ME3: variants seen among roughly 807,000 people sequenced by gnomAD.
The protein encoded by ME3 is malic enzyme 3.
In ME3, 48 loss-of-function variants were observed where a neutral mutation model predicts 68.9. The ratio of observed to expected loss-of-function variants is 0.70; its 90% CI spans 0.55 to 0.89. The LOEUF (loss-of-function observed/expected upper bound fraction) is 0.89, where lower values mean the gene tolerates loss of function less well. ME3 is among the 40% of genes least tolerant of loss of function. The pLI is 0.00. For missense variants in ME3, 675 were observed against 797.4 expected (o/e 0.85, Z 1.85); for synonymous variants, 320 against 318.8 (o/e 1.00, Z -0.04).
intron 1 of ME3, 64 bp from the exon 2 acceptor site, chr11:86,672,022 CGGGGCACCGGGCCTGATCCG>C: frequency 8.0e-7 from 1 of 1,257,664 alleles, no homozygotes; most frequent in South Asian, 2.0e-5. Context: ...ACGCGCGCTG[CGGGGCACCGGGCCTGATCCG>C]GGGACGCGCC....
intron 5 of ME3, among the ~76,000 whole-genome samples, chr11:86,503,404 C>G (rs555947102): frequency 1.2e-4 from 19 of 152,324 alleles, no homozygotes; most frequent in Admixed American, 5.9e-4. Context: ...ACACCTCCTT[C>G]CAAGGGCAGC....
chr11:86,488,119 G>A (rs1392352992), intron 6 of ME3, among the ~76,000 whole-genome samples: 2 of 152,182 alleles, frequency 1.3e-5, no homozygotes, highest in Non-Finnish European at 2.9e-5. Context: ...GGCCAAGGCT[G>A]CAGTGAGCCA....
Position 86,663,613 on chromosome 11 carries a change from T to A in ME3, c.183+8149A>T, listed in dbSNP as rs182531427. Among the ~76,000 whole-genome samples the A allele has an allele frequency of 2.0e-3, 304 of 152,354 alleles. 1 individual carries two copies. Among genetic ancestry groups the A allele is most frequent in the African/African-American group, 7.1e-3 (296 of 41,586 alleles). On this transcript the variant is annotated intron_variant, in intron 2 of 14. Transcript: ENST00000543262. ...TCTTTGCAAACAAAAGTGCTGCACATTAGTGATCCTTTTGCAATGGCCATA... is the reference window on the plus strand; with the variant it reads ...TCTTTGCAAACAAAAGTGCTGCACAATAGTGATCCTTTTGCAATGGCCATA...
chr11:86,655,503 T>C (rs1413793482), intron 2 of ME3, among the ~76,000 whole-genome samples: 3 of 152,132 alleles, frequency 2.0e-5, no homozygotes, highest in African/African-American at 7.2e-5. Flanking sequence ...GGGGAAAGGA[T>C]TCCCTATTTA....
At chr11:86,666,163 A>G (rs553971610) in intron 2 of ME3, among the ~76,000 whole-genome samples, 3 of 152,290 alleles carry the variant, frequency 2.0e-5, no homozygotes, top group East Asian at 3.9e-4. Flanking sequence ...TACATTTTCC[A>G]TGTTCTCTTG....
At chr11:86,485,673 G>A (rs577181811) in intron 7 of ME3, among the ~76,000 whole-genome samples, 5 of 151,708 alleles carry the variant, frequency 3.3e-5, no homozygotes, top group Admixed American at 1.3e-4. Context: ...CCTTTACCAC[G>A]TCCTCCCATT....
chr11:86,472,194 A>C (rs1950818151), intron 7 of ME3, among the ~76,000 whole-genome samples: 1 of 152,186 alleles, frequency 6.6e-6, no homozygotes, highest in Non-Finnish European at 1.5e-5. Flanking sequence ...GCAGGAAAAT[A>C]CACAGGGCCG....
At chr11:86,522,038 TC>T (rs1241178901) in intron 4 of ME3, among the ~76,000 whole-genome samples, 1 of 152,146 alleles carries the variant, frequency 6.6e-6, no homozygotes, top group African/African-American at 2.4e-5. Context: ...TCACCTAAGG[TC>T]AGGAGTTTGA....
chr11:86,577,674 A>G (rs1958193786), intron 2 of ME3, among the ~76,000 whole-genome samples: 1 of 152,248 alleles, frequency 6.6e-6, no homozygotes, highest in Non-Finnish European at 1.5e-5. Context: ...ATTCTATGTT[A>G]TTAACTCAAG....
intron 2 of ME3, among the ~76,000 whole-genome samples, chr11:86,656,297 C>G (rs1028478796): frequency 6.6e-6 from 1 of 151,922 alleles, no homozygotes; most frequent in South Asian, 2.1e-4. Flanking sequence ...GACACATGCA[C>G]ACATATGTTT....
Position 86,500,954 on chromosome 11 carries a change from C to T in ME3, c.544-2830G>A, listed in dbSNP as rs554498884. On this transcript the variant is annotated intron_variant, in intron 5 of 14. Transcript: ENST00000543262. ...AGGACCCACTGCCTGCCAAGACCCGCACAAGGTGTTATTTAAACCTTTGAT... is the reference window on the plus strand; with the variant it reads ...AGGACCCACTGCCTGCCAAGACCCGTACAAGGTGTTATTTAAACCTTTGAT... Among the ~76,000 whole-genome samples the T allele has an allele frequency of 4.6e-5, 7 of 152,236 alleles. No individual in the cohort carries two copies. In the South Asian group the frequency reaches 1.5e-3, roughly 32 times the overall value.
chr11:86,493,845 C>A (rs1472013882), intron 6 of ME3, among the ~76,000 whole-genome samples: 1 of 152,068 alleles, frequency 6.6e-6, no homozygotes, highest in Non-Finnish European at 1.5e-5. Flanking sequence ...GCTCCTGTTG[C>A]CTCAGGAGTT....
At chr11:86,450,592 T>C (rs796450529) in intron 8 of ME3, among the ~76,000 whole-genome samples, 194 bp from the exon 9 acceptor site, 2 of 152,202 alleles carry the variant, frequency 1.3e-5, no homozygotes, top group African/African-American at 4.8e-5. Context: ...GTTGTTGAAG[T>C]TGAGAAACAG....
chr11:86,489,886 G>A (rs1401612925), intron 6 of ME3, among the ~76,000 whole-genome samples: 1 of 152,122 alleles, frequency 6.6e-6, no homozygotes, highest in Admixed American at 6.5e-5. Context: ...GACCCGAGAG[G>A]TAGGTCTCAT....
At chr11:86,598,162 A>C (rs1454537776) in intron 2 of ME3, among the ~76,000 whole-genome samples, 1 of 152,202 alleles carries the variant, frequency 6.6e-6, no homozygotes, top group African/African-American at 2.4e-5. Context: ...TCACTCGGGA[A>C]GTGCAAGGGG....
chr11:86,572,722 T>C (rs1369661740), intron 2 of ME3, among the ~76,000 whole-genome samples: 2 of 152,226 alleles, frequency 1.3e-5, no homozygotes, highest in Non-Finnish European at 2.9e-5. Flanking sequence ...CTATTGTAAA[T>C]GGTGCTGCAA....
chr11:86,625,602 A>G (rs1943615081), intron 2 of ME3, among the ~76,000 whole-genome samples: 1 of 152,158 alleles, frequency 6.6e-6, no homozygotes, highest in Non-Finnish European at 1.5e-5. Context: ...CATGCAATAA[A>G]TATTTATCCA....
chr11:86,495,954 C>T (rs532109144), intron 6 of ME3, among the ~76,000 whole-genome samples: 2 of 152,264 alleles, frequency 1.3e-5, no homozygotes, highest in East Asian at 3.9e-4. Flanking sequence ...AATAGTTTTC[C>T]CACTTTCTTG....
At chr11:86,596,481 C>T (rs1310429596) in intron 2 of ME3, among the ~76,000 whole-genome samples, 1 of 152,130 alleles carries the variant, frequency 6.6e-6, no homozygotes, top group African/African-American at 2.4e-5. Context: ...AATGTTTAAC[C>T]AGGAGTACTG....
Sources: gnomAD v4.1 joint callset for allele counts (sites outside exome capture counted in the v4.1 genomes callset) on GRCh38, gnomAD v4.1.1 for gene constraint, MANE v1.5 for transcripts, NCBI Gene and HGNC (gene_info 2026-07-23, HGNC 2026-07-21) for gene names.